The following ENOX1 variants were observed in gnomAD, a reference collection of about 807,000 sequenced individuals.
ENOX1 encodes the protein ecto-NOX disulfide-thiol exchanger 1, also known as candidate growth-related and time keeping constitutive hydroquinone (NADH) oxidase.
In ENOX1, 42 loss-of-function variants were observed where a neutral mutation model predicts 82.5. That is an observed-to-expected ratio of 0.51 (90% CI 0.40 to 0.66). The LOEUF (loss-of-function observed/expected upper bound fraction) is 0.66, where lower values mean the gene tolerates loss of function less well. Among genes scored for constraint, ENOX1 ranks in the 30% least tolerant of loss-of-function variants. The pLI, the probability that ENOX1 is intolerant of heterozygous loss-of-function variation, is 0.00. For synonymous variants in ENOX1, 271 were observed against 282.2 expected (o/e 0.96, Z 0.40); for missense variants, 608 against 811.6 (o/e 0.75, Z 3.05).
chr13:43,440,451 T>C (rs1479169393), intron 3 of ENOX1, among the ~76,000 whole-genome samples: 1 of 152,176 alleles, frequency 6.6e-6, no homozygotes, highest in Admixed American at 6.5e-5. Context: ...TACTACAATA[T>C]GTAGGTAACT....
intron 1 of ENOX1, among the ~76,000 whole-genome samples, chr13:43,782,724 G>T (rs958613072): frequency 1.3e-5 from 2 of 152,060 alleles, no homozygotes; most frequent in Non-Finnish European, 2.9e-5. Context: ...ATAGCACACG[G>T]AACCTCAAAA....
At chr13:43,301,880 G>A (rs189679041) in intron 11 of ENOX1, among the ~76,000 whole-genome samples, 3 of 151,984 alleles carry the variant, frequency 2.0e-5, no homozygotes, top group African/African-American at 4.8e-5. Flanking sequence ...GGGCCAGAGC[G>A]CTAACAGAAA....
intron 3 of ENOX1, among the ~76,000 whole-genome samples, chr13:43,420,784 T>C (rs776617164): frequency 2.6e-5 from 4 of 152,038 alleles, no homozygotes; most frequent in Non-Finnish European, 5.9e-5. Context: ...TAGATAGGAG[T>C]AAGTTTTGGG....
chr13:43,460,148 T>TTACC (rs1287098856), intron 3 of ENOX1, among the ~76,000 whole-genome samples: 1 of 152,224 alleles, frequency 6.6e-6, no homozygotes, highest in African/African-American at 2.4e-5. Context: ...TATCCTTAAT[T>TTACC]TACCTACATA....
intron 5 of ENOX1, among the ~76,000 whole-genome samples, chr13:43,407,950 T>G (rs1054600271): frequency 2.0e-5 from 3 of 152,224 alleles, no homozygotes; most frequent in African/African-American, 7.2e-5. Context: ...AAGTATCATC[T>G]CACAGAACAG....
intron 1 of ENOX1, among the ~76,000 whole-genome samples, chr13:43,734,357 C>G (rs774779361): frequency 6.6e-6 from 1 of 152,166 alleles, no homozygotes; most frequent in Non-Finnish European, 1.5e-5. Context: ...TCCTGATAGG[C>G]AGACTGTGTT....
chr13:43,326,112 G>A (rs1167484109), intron 10 of ENOX1, among the ~76,000 whole-genome samples: 4 of 152,018 alleles, frequency 2.6e-5, no homozygotes. Flanking sequence ...TCTATTGTAA[G>A]CTCCATTTTT....
intron 2 of ENOX1, among the ~76,000 whole-genome samples, chr13:43,612,044 T>C (rs2082222255): frequency 6.6e-6 from 1 of 152,172 alleles, no homozygotes; most frequent in Non-Finnish European, 1.5e-5. Flanking sequence ...TCTTCACATA[T>C]GAATGTTAAT....
At chr13:43,392,468 CA>C (rs1375669883) in intron 5 of ENOX1, among the ~76,000 whole-genome samples, 2 of 152,170 alleles carry the variant, frequency 1.3e-5, no homozygotes, top group Non-Finnish European at 2.9e-5. Flanking sequence ...CCCCTGAGGT[CA>C]GGAGTTCAAG....
intron 11 of ENOX1, among the ~76,000 whole-genome samples, chr13:43,311,688 C>T (rs1450847735): frequency 6.6e-6 from 1 of 152,282 alleles, no homozygotes; most frequent in South Asian, 2.1e-4. Context: ...CCTTTCAGAT[C>T]CAAGTCAGTG....
chr13:43,550,139 C>A (rs1026059307), intron 2 of ENOX1, among the ~76,000 whole-genome samples: 1 of 152,148 alleles, frequency 6.6e-6, no homozygotes, highest in South Asian at 2.1e-4. Flanking sequence ...AGGTGGAGCT[C>A]AGGTGATAAT....
At chr13:43,412,098 T>C (rs1278660277) in intron 4 of ENOX1, 45 bp from the exon 5 acceptor site, 1 of 1,589,408 alleles carries the variant, frequency 6.3e-7, no homozygotes, top group Non-Finnish European at 8.6e-7. Flanking sequence ...TAGGCAAGGG[T>C]GTTTGTTTTA....
At chr13:43,698,891 T>C (rs947795127) in intron 1 of ENOX1, among the ~76,000 whole-genome samples, 4 of 152,168 alleles carry the variant, frequency 2.6e-5, no homozygotes, top group Non-Finnish European at 5.9e-5. Flanking sequence ...AGGCATAGCT[T>C]CCAGCCCATA....
intron 5 of ENOX1, among the ~76,000 whole-genome samples, 191 bp downstream of exon 5, chr13:43,411,725 T>C (rs976157030): frequency 6.6e-6 from 1 of 152,210 alleles, no homozygotes; most frequent in African/African-American, 2.4e-5. Flanking sequence ...TGGCTTTTTC[T>C]GAGAACAAGG....
At chr13:43,301,582 C>CA (rs34477975) in intron 11 of ENOX1, among the ~76,000 whole-genome samples, 70,717 of 139,880 alleles carry the variant, frequency 0.51, 18,059 homozygotes, top group Middle Eastern at 0.59. Flanking sequence ...ATTCCCCCAC[C>CA]AAAAAAAAAA....
chr13:43,679,417 A>T (rs960133026), intron 1 of ENOX1, among the ~76,000 whole-genome samples: 2 of 152,154 alleles, frequency 1.3e-5, no homozygotes, highest in Non-Finnish European at 2.9e-5. Flanking sequence ...TTTTGGTAAA[A>T]GCTTCAAGGA....
intron 9 of ENOX1, among the ~76,000 whole-genome samples, chr13:43,336,205 C>A (rs186735101): frequency 2.8e-4 from 42 of 152,228 alleles, no homozygotes; most frequent in African/African-American, 9.9e-4. Flanking sequence ...TGAGATGTTC[C>A]TAAGAAGTAA....
chr13:43,425,470 G>T (rs921741024), intron 3 of ENOX1, among the ~76,000 whole-genome samples: 3 of 152,128 alleles, frequency 2.0e-5, no homozygotes, highest in Non-Finnish European at 2.9e-5. Context: ...TTTTCAATAG[G>T]AGGAGATATT....
At chr13:43,687,542 A>G (rs57759546) in intron 1 of ENOX1, among the ~76,000 whole-genome samples, 3,215 of 152,150 alleles carry the variant, frequency 0.021, 129 homozygotes, top group African/African-American at 0.075. Context: ...TTAATCACTT[A>G]TTTTCTTTGA....
Sources: gnomAD v4.1 joint callset for allele counts (sites outside exome capture counted in the v4.1 genomes callset) on GRCh38, gnomAD v4.1.1 for gene constraint, MANE v1.5 for transcripts, NCBI Gene and HGNC (gene_info 2026-07-23, HGNC 2026-07-21) for gene names.